Variants in FGGY observed in about 807,000 individuals in gnomAD.
The protein encoded by FGGY is FGGY carbohydrate kinase domain containing.
Under a neutral mutation model 71.3 loss-of-function variants are expected in FGGY, and 72 were observed. The ratio of observed to expected loss-of-function variants is 1.01; its 90% CI spans 0.84 to 1.23. The LOEUF (loss-of-function observed/expected upper bound fraction) is 1.23. Ranked by LOEUF, FGGY falls within the 50% of genes most tolerant of loss-of-function variation. The pLI, the probability that FGGY is intolerant of heterozygous loss-of-function variation, is 0.00. For missense variants in FGGY, 668 were observed against 682.3 expected (o/e 0.98, Z 0.23); for synonymous variants, 251 against 250.3 (o/e 1.00, Z -0.02).
At chr1:59,342,289 G>T (rs76466742) in intron 3 of FGGY, among the ~76,000 whole-genome samples, 2,933 of 152,136 alleles carry the variant, frequency 0.019, 106 homozygotes, top group African/African-American at 0.068. Flanking sequence ...AGAATCACTG[G>T]GGACAGATTA....
intron 4 of FGGY, among the ~76,000 whole-genome samples, chr1:59,350,604 C>T (rs835360): frequency 0.048 from 7,259 of 151,986 alleles, 614 homozygotes; most frequent in African/African-American, 0.17. Context: ...AGTCTGAGTT[C>T]GGCTTATTAA....
chr1:59,548,454 A>G (rs534957431), intron 7 of FGGY, among the ~76,000 whole-genome samples: 82 of 152,302 alleles, frequency 5.4e-4, no homozygotes, highest in African/African-American at 1.9e-3. Context: ...GAGTATTGCT[A>G]TCCAAATTCT....
chr1:59,668,948 G>A (rs930131016), intron 13 of FGGY, among the ~76,000 whole-genome samples: 47 of 138,768 alleles, frequency 3.4e-4, no homozygotes, highest in Admixed American at 8.8e-4. Context: ...CCGAGATTGC[G>A]CCATTGCACT....
chr1:59,697,689 G>A (rs1252906666), intron 14 of FGGY: 14 of 1,303,524 alleles, frequency 1.1e-5, no homozygotes, highest in African/African-American at 1.5e-5. Context: ...TAGCAGCAAT[G>A]GGAAGCAGTA....
chr1:59,700,935 G>A (rs1011759033), intron 14 of FGGY, among the ~76,000 whole-genome samples: 3 of 152,138 alleles, frequency 2.0e-5, no homozygotes, highest in Non-Finnish European at 4.4e-5. Flanking sequence ...AATTGAACAT[G>A]TGTGAAGGAA....
chr1:59,495,896 T>C (rs1440567300), intron 6 of FGGY, among the ~76,000 whole-genome samples: 1 of 152,212 alleles, frequency 6.6e-6, no homozygotes, highest in Non-Finnish European at 1.5e-5. Flanking sequence ...CCTTGGAATA[T>C]AGTTTGAAGT....
At position 59,520,608 on chromosome 1, in the gene FGGY, C is replaced by T. The variant is rs143193140; in HGVS notation, c.799+8169C>T. Reference sequence around the variant, plus strand: ...TGCCCATCATCCAGCATGAAATCCACATAGCTGGTCTTCACTAAATCAATG... The same window carrying T: ...TGCCCATCATCCAGCATGAAATCCATATAGCTGGTCTTCACTAAATCAATG... On this transcript the variant is annotated intron_variant, in intron 7 of 15. Coordinates refer to ENST00000303721, the MANE Select transcript of FGGY (RefSeq NM_018291.5). Among the ~76,000 whole-genome samples, 1,396 of 152,296 alleles carry T rather than the reference C, an allele frequency of 9.2e-3. 15 individuals carry two copies. The highest frequency in any genetic ancestry group is 0.032 in the African/African-American group (1,312 of 41,558).
chr1:59,678,913 C>T (rs1249320891), intron 14 of FGGY, among the ~76,000 whole-genome samples: 1 of 152,144 alleles, frequency 6.6e-6, no homozygotes, highest in Non-Finnish European at 1.5e-5. Context: ...TAATCACAGA[C>T]CTTCCTTCCT....
intron 14 of FGGY, among the ~76,000 whole-genome samples, chr1:59,737,281 A>G (rs78868554): frequency 0.011 from 1,636 of 152,366 alleles, 26 homozygotes; most frequent in African/African-American, 0.037. Flanking sequence ...GTCCCAGCCC[A>G]GAGTCCCTAC....
chr1:59,358,800 A>G (rs1193613859), intron 4 of FGGY, among the ~76,000 whole-genome samples: 1 of 152,218 alleles, frequency 6.6e-6, no homozygotes, highest in Non-Finnish European at 1.5e-5. Context: ...CATGGCCAAC[A>G]CCTGTACTAG....
At position 59,711,872 on chromosome 1, in the gene FGGY, A is replaced by C. The variant is rs186341591; in HGVS notation, c.1512+37739A>C. Among the ~76,000 whole-genome samples, 3 of 152,254 alleles carry C rather than the reference A, an allele frequency of 2.0e-5. No individual in the cohort carries two copies. In the East Asian group the frequency reaches 5.8e-4, roughly 29 times the overall value. ...ATTTGGATGCGGACACAGCCAAACC[A>C]TATCATTCCACCCTGGCCCCTCCCA... On this transcript the variant is annotated intron_variant, in intron 14 of 15. Coordinates refer to ENST00000303721, the MANE Select transcript of FGGY (RefSeq NM_018291.5).
At chr1:59,523,129 C>A (rs1047045229) in intron 7 of FGGY, among the ~76,000 whole-genome samples, 1 of 152,196 alleles carries the variant, frequency 6.6e-6, no homozygotes, top group Non-Finnish European at 1.5e-5. Flanking sequence ...CACTGCCAAG[C>A]ACCTGTTAGG....
intron 1 of FGGY, chr1:59,315,524 G>C (rs891124191): frequency 1.3e-5 from 2 of 150,070 alleles, no homozygotes; most frequent in Non-Finnish European, 2.9e-5. Flanking sequence ...TCTGCAACAA[G>C]CCAGGTCCTT....
intron 9 of FGGY, among the ~76,000 whole-genome samples, chr1:59,608,146 C>T (rs1346660883): frequency 6.6e-6 from 1 of 152,226 alleles, no homozygotes; most frequent in Non-Finnish European, 1.5e-5. Context: ...TCTTTCCTTA[C>T]ATCAATCCAT....
At chr1:59,308,994 T>C (rs2043850634) in intron 1 of FGGY, among the ~76,000 whole-genome samples, 1 of 152,162 alleles carries the variant, frequency 6.6e-6, no homozygotes, top group Admixed American at 6.5e-5. Flanking sequence ...TTCTTGCCTT[T>C]ACAAAAAAAG....
chr1:59,612,481 G>A (rs921886315), intron 9 of FGGY, among the ~76,000 whole-genome samples: 1 of 152,116 alleles, frequency 6.6e-6, no homozygotes, highest in African/African-American at 2.4e-5. Flanking sequence ...TGCCCTAAAA[G>A]AGCTCCTGAC....
At chr1:59,589,432 C>G (rs956320143) in intron 8 of FGGY, among the ~76,000 whole-genome samples, 5 of 152,122 alleles carry the variant, frequency 3.3e-5, no homozygotes, top group Admixed American at 6.5e-5. Context: ...CTGCACCAAG[C>G]GGACCTAATA....
At chr1:59,377,658 A>C (rs983951298) in intron 4 of FGGY, among the ~76,000 whole-genome samples, 1 of 152,050 alleles carries the variant, frequency 6.6e-6, no homozygotes, top group Non-Finnish European at 1.5e-5. Context: ...GTTGTATGAC[A>C]ACTAGACCTA....
At chr1:59,691,154 C>A (rs180752283) in intron 14 of FGGY, among the ~76,000 whole-genome samples, 2 of 152,352 alleles carry the variant, frequency 1.3e-5, no homozygotes, top group African/African-American at 4.8e-5. Context: ...CACTGCCTGG[C>A]AGCCTTGGAG....
Sources: allele counts gnomAD v4.1 joint callset (sites outside exome capture counted in the v4.1 genomes callset), GRCh38; gene constraint gnomAD v4.1.1; transcripts MANE v1.5; gene names NCBI Gene and HGNC (gene_info 2026-07-23, HGNC 2026-07-21).